Variants in ABCC3 observed in about 807,000 individuals in gnomAD.
ABCC3 encodes the protein ATP-binding cassette sub-family C member 3.
A neutral mutation model predicts 165.3 loss-of-function variants in ABCC3; 121 were observed. That is an observed-to-expected ratio of 0.73 (90% CI 0.63 to 0.85). The LOEUF is 0.85. Among genes scored for constraint, ABCC3 ranks in the 40% least tolerant of loss-of-function variants. ABCC3 has a pLI of 0.00. For missense variants in ABCC3, 1,869 were observed against 1,964.1 expected (o/e 0.95, Z 0.92); for synonymous variants, 733 against 810.1 (o/e 0.90, Z 1.62).
intron 10 of ABCC3, 195 bp downstream of exon 10, chr17:50,664,306 A>G (rs1164368562): frequency 4.0e-5 from 26 of 653,972 alleles, no homozygotes; most frequent in East Asian, 2.8e-5. Flanking sequence ...TAGCCACCAC[A>G]CTCCAGCCTG....
chr17:50,681,650 T>G (rs547438172), intron 26 of ABCC3, among the ~76,000 whole-genome samples: 3 of 152,342 alleles, frequency 2.0e-5, no homozygotes, highest in Non-Finnish European at 2.9e-5. Flanking sequence ...CGCTTCCTCA[T>G]CAGCCTTGAT....
chr17:50,670,372 G>A lies in ABCC3; in HGVS notation c.2241+844G>A, dbSNP rs535263558. Among the ~76,000 whole-genome samples, 597 of 152,202 alleles carry A rather than the reference G, an allele frequency of 3.9e-3. 3 individuals are homozygous for A. The highest frequency in any genetic ancestry group is 5.3e-3 in the African/African-American group (221 of 41,536). On this transcript the variant is annotated intron_variant, in intron 17 of 30. Transcript: ENST00000285238. Reference sequence around the variant, plus strand: ...TGCTGGGATTACAGGCATGAGCACCGTGCCTAGCCTTAAGCATCACTTTTG... The same window carrying A: ...TGCTGGGATTACAGGCATGAGCACCATGCCTAGCCTTAAGCATCACTTTTG...
Position 50,656,774 on chromosome 17 carries a change from C to A in ABCC3, c.295C>A (p.Arg99=). 1 of 1,614,010 alleles carries A rather than the reference C, an allele frequency of 6.2e-7. No individual in the cohort carries two copies. The highest frequency in any genetic ancestry group is 1.1e-5 in the South Asian group (1 of 91,056). The change falls in exon 3 of 31, where the codon CGG becomes AGG. Residue 99 remains arginine (R), a synonymous_variant. Coordinates refer to ENST00000285238, the MANE Select transcript of ABCC3 (RefSeq NM_003786.4). The part of the protein sequence containing the change: ...FYSFHGLVHG[R]APAPVFFVTP... ...CTCCTTCCATGGCCTGGTCCATGGC[C>A]GGGCCCCTGCCCCTGTTTTCTTTGT... is the stretch of plus-strand genomic sequence containing the variant.
rs776003048 is a variant in ABCC3 at position 50,668,886 on chromosome 17, C to T, written c.1904C>T (p.Thr635Ile). 3.7e-6 allele frequency: 6 copies of T among 1,614,048 alleles called. No homozygotes were observed. In the South Asian group the frequency reaches 5.5e-5, roughly 15 times the overall value. The change falls in exon 15 of 31, where the codon ACC (threonine) becomes ATC (isoleucine). Residue 635 changes from threonine (T) to isoleucine (I), a missense_variant. By Grantham distance (89) the Thr-to-Ile change is moderately conservative. Coordinates refer to ENST00000285238, the MANE Select transcript of ABCC3 (RefSeq NM_003786.4). ...YAITIHSGTF[T>I]WAQDLPPTLH... The stretch of plus-strand genomic sequence containing the variant: ...ATCACCATACACAGTGGCACCTTCA[C>T]CTGGGCCCAGGACCTGCCCCCCACT...
chr17:50,673,980 C>G (rs867929418), intron 19 of ABCC3, among the ~76,000 whole-genome samples: 1 of 9,414 alleles, frequency 1.1e-4, no homozygotes, highest in South Asian at 3.6e-3. Context: ...TTCTTTCTTT[C>G]TCTCTCTCTC....
rs1366925245 is a variant in ABCC3, at chr17:50,657,085, G to A, written c.388G>A (p.Gly130Ser). The A allele has an allele frequency of 1.9e-6, 3 of 1,614,052 alleles. No homozygotes were observed. In the African/African-American group the frequency reaches 4.0e-5, roughly 22 times the overall value. The change falls in exon 4 of 31, where the codon GGC becomes AGC. Residue 130 changes from glycine (G) to serine (S), a missense_variant. Physicochemically the swap from Gly to Ser is moderately conservative, Grantham distance 56. Coordinates refer to ENST00000285238, the MANE Select transcript of ABCC3 (RefSeq NM_003786.4). Reference protein sequence around the residue: ...TLLIQYERLQGVQSSGVLIIF... With the variant: ...TLLIQYERLQSVQSSGVLIIF... ...GCTGATACAGTATGAGCGGCTGCAG[G>A]GCGTACAGTCTTCGGGGGTCCTCAT...
intron 25 of ABCC3, among the ~76,000 whole-genome samples, chr17:50,678,703 C>T (rs1311709152): frequency 6.6e-6 from 1 of 152,168 alleles, no homozygotes; most frequent in African/African-American, 2.4e-5. Context: ...GGCGGATCAC[C>T]TGAGGCCAGG....
intron 1 of ABCC3, among the ~76,000 whole-genome samples, chr17:50,655,423 A>AAAAAC (rs1967215306): frequency 7.0e-6 from 1 of 143,734 alleles, no homozygotes; most frequent in Non-Finnish European, 1.5e-5. Flanking sequence ...AAAAAAAAAC[A>AAAAAC]AAAACAAAAA....
At chr17:50,660,850 C>G in intron 7 of ABCC3, 73 bp from the exon 8 acceptor site, 1 of 1,416,594 alleles carries the variant, frequency 7.1e-7, no homozygotes. Flanking sequence ...TCCTAGCCAG[C>G]CCAGCCTAGC....
intron 1 of ABCC3, among the ~76,000 whole-genome samples, chr17:50,649,825 T>C (rs1391719082): frequency 2.6e-5 from 4 of 152,208 alleles, no homozygotes; most frequent in Non-Finnish European, 5.9e-5. Flanking sequence ...CTGTGAACAA[T>C]AGCCGTTCAT....
chr17:50,654,200 G>GT (rs1967175364), intron 1 of ABCC3, among the ~76,000 whole-genome samples: 2 of 152,116 alleles, frequency 1.3e-5, no homozygotes, highest in Admixed American at 6.5e-5. Context: ...TTAGAAAATA[G>GT]TTATATCCTC....
chr17:50,641,431 C>T (rs1223835683), intron 1 of ABCC3, among the ~76,000 whole-genome samples: 1 of 152,184 alleles, frequency 6.6e-6, no homozygotes, highest in Non-Finnish European at 1.5e-5. Context: ...AGGGAATAAC[C>T]TTCACTGGCC....
At chr17:50,636,923 G>C (rs900258672) in intron 1 of ABCC3, among the ~76,000 whole-genome samples, 4 of 152,200 alleles carry the variant, frequency 2.6e-5, no homozygotes, top group African/African-American at 9.6e-5. Flanking sequence ...GAAGGTCACA[G>C]GACAATCAAA....
intron 22 of ABCC3, 60 bp downstream of exon 22, chr17:50,676,150 GC>G (rs1368567804): frequency 1.2e-6 from 2 of 1,604,340 alleles, no homozygotes; most frequent in Middle Eastern, 1.6e-4. Context: ...GGGCTGCCAG[GC>G]CCCCCAAACC....
Position 50,691,720 on chromosome 17 carries a change from T to C in ABCC3, c.*520T>C. 1 of 152,802 alleles carries C rather than the reference T, an allele frequency of 6.5e-6. No individual in the cohort carries two copies. Among genetic ancestry groups the C allele is most frequent in the Non-Finnish European group, 1.5e-5 (1 of 68,400 alleles). The allele number at this position is 152,802 out of a possible 1,614,324, so 9.5% of individuals were successfully genotyped here. On this transcript the variant is annotated 3_prime_UTR_variant, in exon 31 of 31. Transcript: ENST00000285238. Reference sequence around the variant, plus strand: ...CAACAGTATATACACAGTAGTCTTTTTGCACTTGTTCACAAGGTTTGGGGA... The same window carrying C: ...CAACAGTATATACACAGTAGTCTTTCTGCACTTGTTCACAAGGTTTGGGGA...
Position 50,687,842 on chromosome 17 carries a change from A to G in ABCC3, c.4475+112A>G, listed in dbSNP as rs2146647790. 6.1e-6 allele frequency: 7 copies of G among 1,143,936 alleles called. No homozygotes were observed. In the South Asian group the frequency reaches 1.0e-4, roughly 17 times the overall value. 70.9% of individuals were successfully genotyped at this position (1,143,936 alleles called of 1,614,324 possible). A position where few individuals can be genotyped will look rare whatever the true frequency, so the allele number is the denominator to read the frequency against. On this transcript the variant is annotated intron_variant, in intron 30 of 30. Transcript: ENST00000285238. ...ACAAGGCAATGTTCCTGGGATTGCTAGGGCATGGCAGGCAGAGCAGAGTTT... is the reference window on the plus strand; with the variant it reads ...ACAAGGCAATGTTCCTGGGATTGCTGGGGCATGGCAGGCAGAGCAGAGTTT...
intron 5 of ABCC3, 99 bp from the exon 6 acceptor site, chr17:50,658,336 G>T: frequency 6.3e-7 from 1 of 1,583,982 alleles, no homozygotes; most frequent in Non-Finnish European, 8.7e-7. Context: ...TGTAAACTGG[G>T]GCTTGGAGCA....
At position 50,665,179 on chromosome 17, in the gene ABCC3, A is replaced by C. The variant is rs1364691106; in HGVS notation, c.1365A>C (p.Gly455=). 2.5e-6 allele frequency: 4 copies of C among 1,614,012 alleles called. No individual in the cohort carries two copies. The highest frequency in any genetic ancestry group is 3.4e-6 in the Non-Finnish European group (4 of 1,180,012). Residue 455 remains glycine, a synonymous_variant, in exon 11 of 31, where the codon GGA becomes GGC. Transcript: ENST00000285238. ...WQNLGPSVLA[G]VAFMVLLIPL... ...ACCTAGGTCCCTCTGTCCTGGCTGG[A>C]GTCGCTTTCATGGTCTTGCTGATTC...
At chr17:50,636,059 TATGAGGCAAGTGATC>T (rs1419937378) in intron 1 of ABCC3, 2 of 153,894 alleles carry the variant, frequency 1.3e-5, no homozygotes, top group Non-Finnish European at 2.9e-5. Flanking sequence ...TACTTGCCTC[TATGAGGCAAGTGATC>T]ATGTGGTCTC....
Sources: gnomAD v4.1 joint callset for allele counts (sites outside exome capture counted in the v4.1 genomes callset) on GRCh38, gnomAD v4.1.1 for gene constraint, MANE v1.5 for transcripts, NCBI Gene and HGNC (gene_info 2026-07-23, HGNC 2026-07-21) for gene names.